NAALADL2: variants seen among roughly 807,000 people sequenced by gnomAD.
NAALADL2 encodes N-acetylated alpha-linked acidic dipeptidase like 2, also known as inactive N-acetylated-alpha-linked acidic dipeptidase-like protein 2.
In NAALADL2, 76 loss-of-function variants were observed where a neutral mutation model predicts 87.2. The ratio of observed to expected loss-of-function variants is 0.87; its 90% CI spans 0.72 to 1.05. NAALADL2 has a LOEUF of 1.05. Ranked by LOEUF, NAALADL2 falls within the 50% of genes least tolerant of loss-of-function variation. The pLI is 0.00. For synonymous variants in NAALADL2, 354 were observed against 331.0 expected, an observed-to-expected ratio of 1.07 and a Z score of -0.75; for missense variants, 1,089 against 945.8, an observed-to-expected ratio of 1.15 and a Z score of -1.99.
chr3:175,084,199 AC>A (rs758473635), intron 1 of NAALADL2, among the ~76,000 whole-genome samples: 7 of 152,070 alleles, frequency 4.6e-5, no homozygotes, highest in Non-Finnish European at 7.4e-5. Context: ...GTAAAAAGCT[AC>A]CCCCCAAATT....
intron 13 of NAALADL2, among the ~76,000 whole-genome samples, chr3:175,799,275 T>C (rs1442660080): frequency 6.6e-6 from 1 of 152,122 alleles, no homozygotes; most frequent in Non-Finnish European, 1.5e-5. Context: ...TTTTTAATTA[T>C]AGTAGTTTAT....
At chr3:174,743,320 C>A (rs963607389) in intron 3 of NAALADL2, among the ~76,000 whole-genome samples, 4 of 151,702 alleles carry the variant, frequency 2.6e-5, no homozygotes, top group Non-Finnish European at 5.9e-5. Flanking sequence ...TTAAACGTCT[C>A]CAGAGCACGT....
chr3:175,626,082 T>C (rs1726945232), intron 10 of NAALADL2, among the ~76,000 whole-genome samples: 1 of 152,004 alleles, frequency 6.6e-6, no homozygotes, highest in African/African-American at 2.4e-5. Flanking sequence ...AGAATGTAAT[T>C]ACACATGACC....
chr3:175,737,714 G>GTTTTTTTTTTTTTT lies in NAALADL2; in HGVS notation c.1990+332_1990+345dup, dbSNP rs71164650. Among the ~76,000 whole-genome samples, 12 of 54,760 alleles carry GTTTTTTTTTTTTTT rather than the reference G, an allele frequency of 2.2e-4. 1 individual carries two copies. Among genetic ancestry groups the GTTTTTTTTTTTTTT allele is most frequent in the African/African-American group, 9.9e-4 (12 of 12,160 alleles). 35.9% of individuals were successfully genotyped at this position (54,760 alleles called of 152,430 possible). On this transcript the variant is annotated intron_variant, in intron 12 of 13. Transcript: ENST00000454872. ...TAGAATAATACAGTTCAATGATCCAGTTTTTTTTTTTTTTTTTTTTTTTTT... is the reference window on the plus strand; with the variant it reads ...TAGAATAATACAGTTCAATGATCCAGTTTTTTTTTTTTTTTTTTTTTTTTTTTTTTTTTTTTTTT...
intron 1 of NAALADL2, among the ~76,000 whole-genome samples, chr3:174,940,867 C>G (rs1191980933): frequency 6.6e-6 from 1 of 151,852 alleles, no homozygotes; most frequent in African/African-American, 2.4e-5. Context: ...TTCCTTTTCT[C>G]ATTTCTAATT....
chr3:174,617,603 G>T (rs1034553006), intron 2 of NAALADL2, among the ~76,000 whole-genome samples: 2 of 151,646 alleles, frequency 1.3e-5, no homozygotes, highest in African/African-American at 4.8e-5. Context: ...GTCCAAAAGA[G>T]ATCATCTTGA....
At chr3:174,465,186 G>GCC (rs1255728961) in intron 1 of NAALADL2, among the ~76,000 whole-genome samples, 8 of 152,000 alleles carry the variant, frequency 5.3e-5, no homozygotes, top group African/African-American at 1.9e-4. Flanking sequence ...GATTCTCTGT[G>GCC]TGTGTGTTCA....
At chr3:175,083,520 A>G (rs865808189) in intron 1 of NAALADL2, among the ~76,000 whole-genome samples, 37 of 152,188 alleles carry the variant, frequency 2.4e-4, no homozygotes, top group African/African-American at 7.5e-4. Flanking sequence ...AAAAAAATCT[A>G]GTTTTACCTA....
At chr3:175,162,516 TTTGA>T (rs1375310792) in intron 2 of NAALADL2, among the ~76,000 whole-genome samples, 3 of 152,156 alleles carry the variant, frequency 2.0e-5, no homozygotes, top group Non-Finnish European at 2.9e-5. Flanking sequence ...TTTCTTCAGC[TTTGA>T]TTGATTGCGT....
At chr3:174,454,526 C>G (rs991857630) in intron 1 of NAALADL2, among the ~76,000 whole-genome samples, 1 of 152,030 alleles carries the variant, frequency 6.6e-6, no homozygotes, top group Non-Finnish European at 1.5e-5. Flanking sequence ...GAATTGAAAT[C>G]GTAAGAACCA....
chr3:174,815,228 C>T (rs1396275609), intron 3 of NAALADL2, among the ~76,000 whole-genome samples: 1 of 151,970 alleles, frequency 6.6e-6, no homozygotes, highest in Non-Finnish European at 1.5e-5. Context: ...GACTGGGTGG[C>T]TTAAACAACA....
chr3:175,187,507 C>G (rs1393594813), intron 2 of NAALADL2, among the ~76,000 whole-genome samples: 1 of 151,898 alleles, frequency 6.6e-6, no homozygotes, highest in Non-Finnish European at 1.5e-5. Flanking sequence ...TTTTTTGTTC[C>G]CGCAAGTCTT....
intron 2 of NAALADL2, among the ~76,000 whole-genome samples, chr3:174,708,150 T>G (rs1730274803): frequency 6.6e-6 from 1 of 152,178 alleles, no homozygotes; most frequent in Admixed American, 6.5e-5. Flanking sequence ...TTTGTATGGT[T>G]TGACTCATGT....
intron 11 of NAALADL2, among the ~76,000 whole-genome samples, chr3:175,713,160 C>A (rs563607999): frequency 6.6e-6 from 1 of 152,114 alleles, no homozygotes; most frequent in African/African-American, 2.4e-5. Context: ...GATTTTCCTG[C>A]AAAGTGGTAA....
chr3:175,051,711 G>T (rs1755414679), intron 1 of NAALADL2, among the ~76,000 whole-genome samples: 1 of 152,208 alleles, frequency 6.6e-6, no homozygotes, highest in African/African-American at 2.4e-5. Context: ...CAAAGGTGTG[G>T]ACTTTAGGAG....
intron 4 of NAALADL2, among the ~76,000 whole-genome samples, chr3:175,323,391 T>C (rs1202277046): frequency 1.4e-5 from 2 of 147,434 alleles, no homozygotes; most frequent in African/African-American, 5.0e-5. Context: ...TAATGCTAGA[T>C]GACGAGTTAG....
At chr3:175,440,647 T>C (rs561337945) in intron 5 of NAALADL2, among the ~76,000 whole-genome samples, 2 of 152,266 alleles carry the variant, frequency 1.3e-5, no homozygotes, top group East Asian at 3.9e-4. Flanking sequence ...TTCGCAGCTA[T>C]TGTAAAGGGG....
intron 1 of NAALADL2, among the ~76,000 whole-genome samples, chr3:174,892,607 G>T (rs1309917388): frequency 6.6e-6 from 1 of 152,082 alleles, no homozygotes; most frequent in Non-Finnish European, 1.5e-5. Flanking sequence ...GAAACTTAGA[G>T]AAAAATATCA....
chr3:175,414,907 T>C (rs1714294564), intron 5 of NAALADL2, among the ~76,000 whole-genome samples: 1 of 152,186 alleles, frequency 6.6e-6, no homozygotes, highest in African/African-American at 2.4e-5. Context: ...TAAATATTGA[T>C]GAGTTCTCCT....
Sources: allele counts gnomAD v4.1 joint callset (sites outside exome capture counted in the v4.1 genomes callset), GRCh38; gene constraint gnomAD v4.1.1; transcripts MANE v1.5; gene names NCBI Gene and HGNC (gene_info 2026-07-23, HGNC 2026-07-21).